MRTFA: variants seen among roughly 807,000 people sequenced by gnomAD.
MRTFA encodes the protein myocardin related transcription factor A.
MRTFA carries 20 observed loss-of-function variants against 83.5 expected under a neutral mutation model. The ratio of observed to expected loss-of-function variants is 0.24; its 90% CI spans 0.17 to 0.35. The LOEUF (loss-of-function observed/expected upper bound fraction) is 0.35, where lower values mean the gene tolerates loss of function less well. Ranked by LOEUF, MRTFA falls within the 10% of genes least tolerant of loss-of-function variation. MRTFA has a pLI of 1.00. For missense variants in MRTFA, 1,200 were observed against 1,224.7 expected, an observed-to-expected ratio of 0.98 and a Z score of 0.30; for synonymous variants, 659 against 541.2, an observed-to-expected ratio of 1.22 and a Z score of -3.02.
chr22:40,420,634 G>C, intron 10 of MRTFA, 58 bp from the exon 11 acceptor site: 2 of 1,587,962 alleles, frequency 1.3e-6, no homozygotes. Flanking sequence ...CTCTGCAGGT[G>C]GCAGCCCAAG....
chr22:40,581,526 A>T lies in MRTFA; in HGVS notation c.-22+13148T>A, dbSNP rs564625963. Among the ~76,000 whole-genome samples the T allele has an allele frequency of 2.3e-3, 348 of 152,232 alleles. 1 individual carries two copies. The highest frequency in any genetic ancestry group is 8.1e-3 in the African/African-American group (336 of 41,536). On this transcript the variant is annotated intron_variant, in intron 2 of 14. Transcript: ENST00000355630. ...TATGAGATTTTATAATATTTGCAAA[A>T]TTTAAGTGTGTAAAATAGTATCCCA...
intron 4 of MRTFA, among the ~76,000 whole-genome samples, chr22:40,455,927 C>T (rs931170542): frequency 6.6e-6 from 1 of 152,010 alleles, no homozygotes; most frequent in Non-Finnish European, 1.5e-5. Flanking sequence ...AAGCAATTCC[C>T]CCTGCTTCAG....
At chr22:40,453,640 G>C (rs1346551413) in intron 4 of MRTFA, among the ~76,000 whole-genome samples, 1 of 152,080 alleles carries the variant, frequency 6.6e-6, no homozygotes, top group East Asian at 1.9e-4. Flanking sequence ...CACTGATGAA[G>C]TATCCACTGA....
intron 3 of MRTFA, among the ~76,000 whole-genome samples, chr22:40,491,416 A>C (rs1887697394): frequency 1.3e-5 from 2 of 152,234 alleles, no homozygotes; most frequent in Admixed American, 1.3e-4. Flanking sequence ...TGATAAGACC[A>C]GTCCAAATTG....
intron 1 of MRTFA, among the ~76,000 whole-genome samples, chr22:40,629,422 G>A (rs2056616786): frequency 6.7e-6 from 1 of 149,992 alleles, no homozygotes; most frequent in Admixed American, 6.7e-5. Flanking sequence ...CTCCAGCCTG[G>A]TCAACAGAGC....
At chr22:40,574,954 T>C (rs910447436) in intron 2 of MRTFA, among the ~76,000 whole-genome samples, 1 of 152,218 alleles carries the variant, frequency 6.6e-6, no homozygotes, top group Admixed American at 6.5e-5. Context: ...CAGCAGTCCA[T>C]CTGCAGACTC....
intron 2 of MRTFA, among the ~76,000 whole-genome samples, chr22:40,584,612 T>G (rs2055999891): frequency 6.6e-6 from 1 of 151,700 alleles, no homozygotes; most frequent in Non-Finnish European, 1.5e-5. Context: ...GGCACATGCC[T>G]GTAATCCCAG....
intron 3 of MRTFA, among the ~76,000 whole-genome samples, chr22:40,529,457 C>A (rs1207842086): frequency 6.6e-6 from 1 of 152,114 alleles, no homozygotes; most frequent in Non-Finnish European, 1.5e-5. Context: ...GCTGGAATTA[C>A]AGGCACCCAC....
At chr22:40,460,534 G>A (rs1286453438) in intron 4 of MRTFA, among the ~76,000 whole-genome samples, 3 of 152,168 alleles carry the variant, frequency 2.0e-5, no homozygotes, top group African/African-American at 7.2e-5. Context: ...ATGCCTTGAG[G>A]GCAGATACCA....
At chr22:40,523,472 T>C (rs1480837050) in intron 3 of MRTFA, 1 of 152,194 alleles carries the variant, frequency 6.6e-6, no homozygotes, top group Non-Finnish European at 1.5e-5. Context: ...CCTAAGTATC[T>C]GGGACTACAG....
chr22:40,552,942 G>C (rs1181892212), intron 2 of MRTFA, among the ~76,000 whole-genome samples: 2 of 152,220 alleles, frequency 1.3e-5, no homozygotes, highest in Non-Finnish European at 2.9e-5. Context: ...GAATGCCTTT[G>C]ACCAAAATGC....
chr22:40,518,941 C>G (rs1300426472), intron 3 of MRTFA, among the ~76,000 whole-genome samples: 1 of 151,028 alleles, frequency 6.6e-6, no homozygotes, highest in Non-Finnish European at 1.5e-5. Context: ...ATATTCTAGA[C>G]ATATGTCTCT....
At chr22:40,612,563 C>T (rs1482137248) in intron 1 of MRTFA, among the ~76,000 whole-genome samples, 1 of 152,034 alleles carries the variant, frequency 6.6e-6, no homozygotes, top group African/African-American at 2.4e-5. Context: ...AATTTGCATA[C>T]AATAAAAAGC....
At chr22:40,421,518 A>G (rs1020458668) in intron 9 of MRTFA, among the ~76,000 whole-genome samples, 85 of 152,160 alleles carry the variant, frequency 5.6e-4, no homozygotes, top group Admixed American at 4.7e-3. Flanking sequence ...GCTGGGGGGA[A>G]TTCTGCCAGG....
chr22:40,537,206 AG>A (rs2055199589), intron 3 of MRTFA, among the ~76,000 whole-genome samples: 1 of 13,644 alleles, frequency 7.3e-5, no homozygotes, highest in Non-Finnish European at 1.3e-4. Flanking sequence ...GGAGCCCCTC[AG>A]CCCGGCCAGC....
chr22:40,597,678 G>A (rs1328103973), intron 1 of MRTFA, among the ~76,000 whole-genome samples: 4 of 152,190 alleles, frequency 2.6e-5, no homozygotes, highest in African/African-American at 9.7e-5. Flanking sequence ...GTAGTAGAGC[G>A]CCAAAGGAGC....
chr22:40,455,331 T>C (rs1420501980), intron 4 of MRTFA, among the ~76,000 whole-genome samples: 1 of 152,042 alleles, frequency 6.6e-6, no homozygotes, highest in Non-Finnish European at 1.5e-5. Context: ...CCTAGTTCTT[T>C]TGAATTCATA....
intron 2 of MRTFA, among the ~76,000 whole-genome samples, chr22:40,562,856 C>T (rs2055649369): frequency 6.6e-6 from 1 of 151,984 alleles, no homozygotes; most frequent in Admixed American, 6.5e-5. Flanking sequence ...GGGTAGACTT[C>T]TAGGTATCTA....
intron 3 of MRTFA, among the ~76,000 whole-genome samples, chr22:40,546,390 A>G (rs556113036): frequency 4.6e-5 from 7 of 152,346 alleles, no homozygotes; most frequent in Admixed American, 4.6e-4. Context: ...CTGGAAAGGT[A>G]GAGTTTAAAA....
Sources: gnomAD v4.1 joint callset for allele counts (sites outside exome capture counted in the v4.1 genomes callset) on GRCh38, gnomAD v4.1.1 for gene constraint, MANE v1.5 for transcripts, NCBI Gene and HGNC (gene_info 2026-07-23, HGNC 2026-07-21) for gene names.